Variants in HMCN2 observed in about 807,000 individuals in gnomAD.
HMCN2 encodes hemicentin-2.
In HMCN2, 325 loss-of-function variants were observed where a neutral mutation model predicts 377.5. The observed-to-expected ratio is 0.86, with a 90% confidence interval of 0.79 to 0.94. The LOEUF is 0.94. Ranked by LOEUF, HMCN2 falls within the 40% of genes least tolerant of loss-of-function variation. The pLI is 0.00. For missense variants in HMCN2, 4,543 were observed against 4,725.3 expected (o/e 0.96, Z 1.13); for synonymous variants, 2,007 against 2,046.8 (o/e 0.98, Z 0.53).
intron 4 of HMCN2, among the ~76,000 whole-genome samples, chr9:130,290,862 G>GAAAAAAAAAAAAAAAAAAAAAAA (rs34729181): frequency 8.3e-6 from 1 of 121,186 alleles, no homozygotes; most frequent in African/African-American, 3.3e-5. Flanking sequence ...AGCTCAGTCT[G>GAAAAAAAAAAAAAAAAAAAAAAA]AAAAAAAAAA....
chr9:130,402,282 C>T (rs1038247228), intron 77 of HMCN2, among the ~76,000 whole-genome samples: 3 of 152,226 alleles, frequency 2.0e-5, no homozygotes, highest in African/African-American at 7.2e-5. Context: ...GAACCCTCGT[C>T]ACTTGACTGC....
At position 130,347,155 on chromosome 9, in the gene HMCN2, C is replaced by A; in HGVS notation, c.3830-11C>A. 6.6e-6 allele frequency: 1 copy of A among 152,326 alleles called. No individual in the cohort carries two copies. 9.4% of individuals were successfully genotyped at this position (152,326 alleles called of 1,614,324 possible). On this transcript the variant is annotated splice_polypyrimidine_tract_variant and intron_variant, in intron 25 of 97. Transcript: ENST00000683500. This position sits in a 1 kb window ranked among gnomAD's most constrained non-coding sequence, Gnocchi z 5.1. ...GGGTGTTTGTACTGATGACTCCATG[C>A]ACCCTGCCAGGAACGCCCAAGCCGC...
chr9:130,339,278 C>T (rs1588266987), intron 23 of HMCN2, among the ~76,000 whole-genome samples: 1 of 152,224 alleles, frequency 6.6e-6, no homozygotes, highest in African/African-American at 2.4e-5. Flanking sequence ...CCTGTGGCTG[C>T]TTTACCCTCT....
intron 15 of HMCN2, among the ~76,000 whole-genome samples, chr9:130,316,457 G>A (rs954052872): frequency 7.2e-5 from 11 of 152,092 alleles, no homozygotes; most frequent in Non-Finnish European, 1.3e-4. Flanking sequence ...GGGCACCCCT[G>A]CAGGCGGCAG....
rs535797346 is a variant in HMCN2 at position 130,420,905 on chromosome 9, A to G, written c.13232-1672A>G. Among the ~76,000 whole-genome samples the G allele has an allele frequency of 2.0e-5, 3 of 151,064 alleles. No individual in the cohort carries two copies. In the South Asian group the frequency reaches 6.3e-4, roughly 32 times the overall value. On this transcript the variant is annotated intron_variant, in intron 86 of 97. Transcript: ENST00000683500. ...ATTCAATCCATAACCCAGCCTCCTTATTTTTTTTTAATAGAAACAAATATT... is the reference window on the plus strand; with the variant it reads ...ATTCAATCCATAACCCAGCCTCCTTGTTTTTTTTTAATAGAAACAAATATT...
Position 130,388,518 on chromosome 9 carries a change from G to T in HMCN2, c.9501G>T (p.Trp3167Cys). The change falls in exon 62 of 98, where the codon TGG becomes TGT. Residue 3167 changes from tryptophan (W) to cysteine (C), a missense_variant. Coordinates refer to ENST00000683500, the MANE Select transcript of HMCN2 (RefSeq NM_001291815.2). ...GGGTCCCTGCACCCACGGTCACTTG[G>T]CTGAAGGACAGGATGCCTGTGGGTG... Reference protein sequence around the residue: ...VSGVPAPTVTWLKDRMPVESS... With the variant: ...VSGVPAPTVTCLKDRMPVESS... 2 of 988,130 alleles carry T rather than the reference G, an allele frequency of 2.0e-6. No individual in the cohort carries two copies. The highest frequency in any genetic ancestry group is 2.4e-6 in the Non-Finnish European group (2 of 830,160). The allele number at this position is 988,130 out of a possible 1,614,324, so 61.2% of individuals were successfully genotyped here.
chr9:130,312,534 TCCC>T (rs1564775192), intron 15 of HMCN2, among the ~76,000 whole-genome samples: 1 of 20,766 alleles, frequency 4.8e-5, no homozygotes, highest in African/African-American at 1.7e-4. Context: ...CCTCCCTCCC[TCCC>T]TCCTTTCTTT....
At chr9:130,329,957 T>G (rs1838339330) in intron 22 of HMCN2, among the ~76,000 whole-genome samples, 1 of 151,710 alleles carries the variant, frequency 6.6e-6, no homozygotes, top group Non-Finnish European at 1.5e-5. Context: ...GTCTGTCTGC[T>G]TCCTCCTCCC....
At chr9:130,387,197 T>A (rs1019684684) in intron 61 of HMCN2, among the ~76,000 whole-genome samples, 6 of 152,232 alleles carry the variant, frequency 3.9e-5, no homozygotes, top group African/African-American at 9.6e-5. Context: ...GGAGCCTATT[T>A]ACACTGTCCA....
chr9:130,384,111 T>A (rs1255124065), intron 57 of HMCN2, among the ~76,000 whole-genome samples: 1 of 152,236 alleles, frequency 6.6e-6, no homozygotes. Flanking sequence ...CTCAAGGTCA[T>A]GGGCTCAAAC....
chr9:130,416,108 T>TTA (rs1843680696), intron 85 of HMCN2, among the ~76,000 whole-genome samples: 1 of 75,014 alleles, frequency 1.3e-5, no homozygotes, highest in East Asian at 4.0e-4. Flanking sequence ...TTATTTTTTT[T>TTA]TTTTTTTTTT....
At chr9:130,365,002 G>A in intron 41 of HMCN2, 113 bp downstream of exon 41, 8 of 621,414 alleles carry the variant, frequency 1.3e-5, no homozygotes, top group Non-Finnish European at 1.4e-5. Context: ...TCAGGGGATG[G>A]AGGACAAAAC....
intron 29 of HMCN2, among the ~76,000 whole-genome samples, chr9:130,349,956 G>A (rs571126800): frequency 4.8e-4 from 66 of 138,044 alleles, no homozygotes; most frequent in African/African-American, 1.7e-3. Flanking sequence ...AGAGTGCAGT[G>A]GAACGATCTC....
intron 79 of HMCN2, 119 bp downstream of exon 79, chr9:130,403,447 C>A: frequency 8.9e-7 from 1 of 1,125,574 alleles, no homozygotes; most frequent in Non-Finnish European, 1.2e-6. Flanking sequence ...TCCTGGAAAG[C>A]CCCTGGCCTG....
chr9:130,345,136 GCA>G (rs1355407173), intron 25 of HMCN2, among the ~76,000 whole-genome samples: 3 of 148,094 alleles, frequency 2.0e-5, no homozygotes, highest in East Asian at 2.1e-4. Context: ...TGTGGTGTGT[GCA>G]CAGTGTTTGG....
At chr9:130,356,745 T>G (rs1282526254) in intron 34 of HMCN2, among the ~76,000 whole-genome samples, 1 of 152,230 alleles carries the variant, frequency 6.6e-6, no homozygotes, top group African/African-American at 2.4e-5. Flanking sequence ...TTGGGATTGC[T>G]TATTTGGTTG....
At chr9:130,432,173 T>C (rs1844795759) in intron 96 of HMCN2, among the ~76,000 whole-genome samples, 1 of 152,162 alleles carries the variant, frequency 6.6e-6, no homozygotes, top group African/African-American at 2.4e-5. Context: ...TCCCAGGCCC[T>C]CCTACCCAGC....
chr9:130,343,184 C>T (rs1032025144), intron 25 of HMCN2, among the ~76,000 whole-genome samples: 2 of 152,218 alleles, frequency 1.3e-5, no homozygotes, highest in Admixed American at 6.5e-5. Flanking sequence ...AAGATCCCTC[C>T]TCAGCCCCCG....
Position 130,375,550 on chromosome 9 carries a change from C to T in HMCN2, c.7631-13C>T. On this transcript the variant is annotated splice_polypyrimidine_tract_variant and intron_variant, in intron 49 of 97. Coordinates refer to ENST00000683500, the MANE Select transcript of HMCN2 (RefSeq NM_001291815.2). ...TCTCTGCTCATAACTGCCTCCCTGG[C>T]CCCCCATCACAGTGGCTCCCACCAT... 1 of 985,662 alleles carries T rather than the reference C, an allele frequency of 1.0e-6. No individual in the cohort carries two copies. The highest frequency in any genetic ancestry group is 1.2e-6 in the Non-Finnish European group (1 of 829,810). 61.1% of individuals were successfully genotyped at this position (985,662 alleles called of 1,614,324 possible).
Sources: gnomAD v4.1 joint callset for allele counts (sites outside exome capture counted in the v4.1 genomes callset) on GRCh38, gnomAD v4.1.1 for gene constraint, Gnocchi (gnomAD v3.1) non-coding constraint, MANE v1.5 for transcripts, NCBI Gene and HGNC (gene_info 2026-07-23, HGNC 2026-07-21) for gene names.